PBX1: variants seen among roughly 807,000 people sequenced by gnomAD.
PBX1 encodes pre-B-cell leukemia transcription factor 1.
Under a neutral mutation model 53.4 loss-of-function variants are expected in PBX1, and 6 were observed. That is an observed-to-expected ratio of 0.11 (90% confidence interval 0.06 to 0.22). PBX1 has a LOEUF of 0.22. Among genes scored for constraint, PBX1 ranks in the 10% least tolerant of loss-of-function variants. The pLI is 1.00. For missense variants in PBX1, 251 were observed against 551.4 expected, an observed-to-expected ratio of 0.46 and a Z score of 5.46; for synonymous variants, 204 against 212.3, an observed-to-expected ratio of 0.96 and a Z score of 0.34.
chr1:164,653,123 T>G (rs73026099), intron 2 of PBX1, among the ~76,000 whole-genome samples: 17,339 of 152,058 alleles, frequency 0.11, 1,537 homozygotes, highest in African/African-American at 0.23. Context: ...CGCCTCAGCC[T>G]CCCAAAGTGC....
chr1:164,749,865 TG>T (rs1401688482), intron 2 of PBX1, among the ~76,000 whole-genome samples: 1 of 152,158 alleles, frequency 6.6e-6, no homozygotes, highest in Non-Finnish European at 1.5e-5. Context: ...TTTGAATGAA[TG>T]CAGATATTCA....
At chr1:164,604,160 C>A (rs969567268) in intron 2 of PBX1, among the ~76,000 whole-genome samples, 1 of 151,944 alleles carries the variant, frequency 6.6e-6, no homozygotes, top group Non-Finnish European at 1.5e-5. Flanking sequence ...AGGCTAGTCT[C>A]GAACTTCTGA....
intron 2 of PBX1, among the ~76,000 whole-genome samples, chr1:164,662,661 G>C (rs1367338061): frequency 1.3e-5 from 2 of 152,060 alleles, no homozygotes; most frequent in Non-Finnish European, 2.9e-5. Context: ...GTGGATCAAG[G>C]CCTCTTGCAC....
chr1:164,690,065 A>G (rs542111549), intron 2 of PBX1, among the ~76,000 whole-genome samples: 1 of 152,330 alleles, frequency 6.6e-6, no homozygotes, highest in Admixed American at 6.5e-5. Flanking sequence ...GCAGGGTGAC[A>G]TATGGTACTG....
At chr1:164,824,283 C>T (rs867096618) in intron 8 of PBX1, among the ~76,000 whole-genome samples, 3 of 152,092 alleles carry the variant, frequency 2.0e-5, no homozygotes, top group South Asian at 2.1e-4. Context: ...TTGCAAGGTG[C>T]GGTGGTAGGA....
At chr1:164,573,540 G>T in intron 2 of PBX1, among the ~76,000 whole-genome samples, 1 of 144,878 alleles carries the variant, frequency 6.9e-6, no homozygotes, top group East Asian at 2.0e-4. Flanking sequence ...CATCCAGGCT[G>T]GAGTGCAGTG....
At chr1:164,719,972 C>T (rs772696223) in intron 2 of PBX1, among the ~76,000 whole-genome samples, 2 of 152,116 alleles carry the variant, frequency 1.3e-5, no homozygotes, top group South Asian at 2.1e-4. Flanking sequence ...CTGACCTTTT[C>T]GTGAAGCATT....
intron 1 of PBX1, among the ~76,000 whole-genome samples, chr1:164,562,539 C>T (rs1446543970): frequency 6.6e-6 from 1 of 151,278 alleles, no homozygotes; most frequent in Non-Finnish European, 1.5e-5. Flanking sequence ...TTTATTTTTC[C>T]CCCAATGGGT....
At position 164,792,019 on chromosome 1, in the gene PBX1, T is replaced by C. The variant is rs549239719; in HGVS notation, c.266-475T>C. 3.3e-5 allele frequency among the ~76,000 whole-genome samples: 5 copies of C among 152,224 alleles called. No individual in the cohort carries two copies. In the East Asian group the frequency reaches 9.6e-4, roughly 29 times the overall value. ...TTTTGTATTTTAGTAGAGACGGGGTTTCACCATGTTTGCCAGGATGGTCTC... is the reference window on the plus strand; with the variant it reads ...TTTTGTATTTTAGTAGAGACGGGGTCTCACCATGTTTGCCAGGATGGTCTC... On this transcript the variant is annotated intron_variant, in intron 2 of 8. Coordinates refer to ENST00000420696, the MANE Select transcript of PBX1 (RefSeq NM_002585.4).
intron 2 of PBX1, among the ~76,000 whole-genome samples, chr1:164,614,345 A>G (rs775206437): frequency 6.6e-6 from 1 of 152,094 alleles, no homozygotes; most frequent in Non-Finnish European, 1.5e-5. Flanking sequence ...AGATTTTAGG[A>G]TGCCGGTAGT....
intron 2 of PBX1, among the ~76,000 whole-genome samples, chr1:164,612,766 C>T (rs899268805): frequency 6.6e-6 from 1 of 152,132 alleles, no homozygotes; most frequent in African/African-American, 2.4e-5. Context: ...GTCCCTCTCC[C>T]CTTCTGGAGG....
At chr1:164,832,042 C>A (rs1361826711) in intron 8 of PBX1, among the ~76,000 whole-genome samples, 3 of 152,122 alleles carry the variant, frequency 2.0e-5, no homozygotes, top group Admixed American at 6.5e-5. Flanking sequence ...TAGAAACTTT[C>A]TAATAGATAT....
At chr1:164,756,558 G>A (rs1193054819) in intron 2 of PBX1, among the ~76,000 whole-genome samples, 1 of 152,160 alleles carries the variant, frequency 6.6e-6, no homozygotes, top group Non-Finnish European at 1.5e-5. Context: ...CATTGCATAT[G>A]TAGTCATAGA....
chr1:164,763,579 A>G (rs1666916391), intron 2 of PBX1, among the ~76,000 whole-genome samples: 1 of 152,232 alleles, frequency 6.6e-6, no homozygotes, highest in Non-Finnish European at 1.5e-5. Context: ...TACAGCCTAC[A>G]GATTTTCCCT....
At position 164,820,118 on chromosome 1, in the gene PBX1, G is replaced by T. The variant is rs761944828; in HGVS notation, c.1044G>T (p.Met348Ile). ...TGTCAAACTCTGGAGATTTGTTCAT[G>T]AGCGTGCAGTCACTCAATGGGGATT... ...FNMSNSGDLFMSVQSLNGDSY... is the reference protein window; with the variant it reads ...FNMSNSGDLFISVQSLNGDSY... The change falls in exon 7 of 9, where the codon ATG (methionine) becomes ATT (isoleucine). Residue 348 changes from methionine to isoleucine, a missense_variant. This residue lies in a region of PBX1 where 92 missense variants were observed against 130.4 expected (regional missense o/e 0.71). Coordinates refer to ENST00000420696, the MANE Select transcript of PBX1 (RefSeq NM_002585.4). 1 of 1,613,836 alleles carries T rather than the reference G, an allele frequency of 6.2e-7. No individual in the cohort carries two copies. The highest frequency in any genetic ancestry group is 1.7e-5 in the Admixed American group (1 of 59,988).
intron 2 of PBX1, among the ~76,000 whole-genome samples, chr1:164,611,528 G>A (rs1032565045): frequency 6.6e-6 from 1 of 152,040 alleles, no homozygotes; most frequent in Non-Finnish European, 1.5e-5. Context: ...GTGAGCCACC[G>A]CGCCCGGCCT....
chr1:164,656,093 A>G (rs986008474), intron 2 of PBX1, among the ~76,000 whole-genome samples: 2 of 152,224 alleles, frequency 1.3e-5, no homozygotes, highest in African/African-American at 2.4e-5. Context: ...GAGTCAAAAT[A>G]AAATGCTTTC....
At chr1:164,677,064 T>C (rs901690470) in intron 2 of PBX1, among the ~76,000 whole-genome samples, 4 of 151,116 alleles carry the variant, frequency 2.6e-5, no homozygotes, top group African/African-American at 9.7e-5. Context: ...GAGCATCTTC[T>C]TTGCATATAC....
chr1:164,824,111 G>A (rs1670300643), intron 8 of PBX1, among the ~76,000 whole-genome samples: 1 of 152,138 alleles, frequency 6.6e-6, no homozygotes, highest in African/African-American at 2.4e-5. Context: ...TCCCAGCTGG[G>A]CTCTGGATTG....
Sources: allele counts gnomAD v4.1 joint callset (sites outside exome capture counted in the v4.1 genomes callset), GRCh38; gene constraint gnomAD v4.1.1; regional missense constraint gnomAD v4.1.1; transcripts MANE v1.5; gene names NCBI Gene and HGNC (gene_info 2026-07-23, HGNC 2026-07-21).